Variants in ZFHX3 observed in about 807,000 individuals in gnomAD.
ZFHX3 encodes the protein zinc finger homeobox protein 3.
In ZFHX3, 42 loss-of-function variants were observed where a neutral mutation model predicts 279.1. The ratio of observed to expected loss-of-function variants is 0.15; its 90% CI spans 0.12 to 0.19. The LOEUF (loss-of-function observed/expected upper bound fraction) is 0.19, where lower values mean the gene tolerates loss of function less well. Ranked by LOEUF, ZFHX3 falls within the 10% of genes least tolerant of loss-of-function variation. The pLI, the probability that ZFHX3 is intolerant of heterozygous loss-of-function variation, is 1.00. For synonymous variants in ZFHX3, 2,293 were observed against 1,957.8 expected, an observed-to-expected ratio of 1.17 and a Z score of -4.52; for missense variants, 4,981 against 4,754.0, an observed-to-expected ratio of 1.05 and a Z score of -1.40.
chr16:72,879,549 C>T (rs893085417), intron 4 of ZFHX3, among the ~76,000 whole-genome samples: 4 of 152,158 alleles, frequency 2.6e-5, no homozygotes, highest in African/African-American at 9.7e-5. Flanking sequence ...CCTCAGCCTC[C>T]CGAGAAGCTG....
intron 1 of ZFHX3, among the ~76,000 whole-genome samples, chr16:73,684,416 G>A (rs757638739): frequency 1.3e-5 from 2 of 151,750 alleles, no homozygotes; most frequent in Non-Finnish European, 2.9e-5. Flanking sequence ...AGGAAAATTG[G>A]GATAAAAAAA....
intron 3 of ZFHX3, among the ~76,000 whole-genome samples, chr16:72,916,789 A>G (rs1407876076): frequency 4.6e-5 from 7 of 152,206 alleles, no homozygotes; most frequent in Non-Finnish European, 1.0e-4. Context: ...GATAATTGAG[A>G]AAAAAATAAA....
chr16:73,183,874 G>C (rs529496289), intron 5 of ZFHX3, among the ~76,000 whole-genome samples: 1 of 151,966 alleles, frequency 6.6e-6, no homozygotes, highest in Non-Finnish European at 1.5e-5. Flanking sequence ...TCGTTCTTAT[G>C]CTCTGCTTGC....
intron 2 of ZFHX3, among the ~76,000 whole-genome samples, chr16:73,581,951 G>C (rs2051866471): frequency 6.6e-6 from 1 of 151,688 alleles, no homozygotes; most frequent in African/African-American, 2.4e-5. Context: ...TGGGATTACA[G>C]GCATGAGCCA....
intron 2 of ZFHX3, among the ~76,000 whole-genome samples, chr16:73,553,960 C>A (rs759017706): frequency 6.6e-6 from 1 of 152,172 alleles, no homozygotes. Flanking sequence ...TGATAAATGG[C>A]GGCTGCATTT....
chr16:73,797,030 T>A (rs1026764447), intron 1 of ZFHX3, among the ~76,000 whole-genome samples: 5 of 151,332 alleles, frequency 3.3e-5, no homozygotes, highest in Admixed American at 3.3e-4. Context: ...GGCGAAACCC[T>A]GTCTCTACTA....
intron 2 of ZFHX3, among the ~76,000 whole-genome samples, chr16:73,645,197 A>T (rs12930348): frequency 0.093 from 14,174 of 152,290 alleles, 740 homozygotes; most frequent in Middle Eastern, 0.13. Flanking sequence ...TAAATTTTTT[A>T]AAATTTTTCT....
intron 4 of ZFHX3, among the ~76,000 whole-genome samples, chr16:73,262,242 G>C (rs2013847321): frequency 6.6e-6 from 1 of 152,186 alleles, no homozygotes; most frequent in South Asian, 2.1e-4. Flanking sequence ...TGAATTGCTT[G>C]AGTTTCAAGA....
chr16:73,613,733 G>A (rs139216845), intron 2 of ZFHX3, among the ~76,000 whole-genome samples: 2 of 152,240 alleles, frequency 1.3e-5, no homozygotes, highest in African/African-American at 2.4e-5. Flanking sequence ...TGTGTGCCCC[G>A]TTTCACTAGG....
In ZFHX3 at chr16:73,726,696, G is replaced by A. The variant is rs1056388065; in HGVS notation, c.-1607-46456C>T. Among the ~76,000 whole-genome samples the A allele has an allele frequency of 5.3e-5, 8 of 152,094 alleles. No individual in the cohort carries two copies. In the South Asian group the frequency reaches 6.2e-4, roughly 12 times the overall value. On this transcript the variant is annotated intron_variant, in intron 1 of 17. Coordinates refer to the ZFHX3 transcript ENST00000641206. Reference sequence around the variant, plus strand: ...GAGCTGGCCCATCACACGCAACAGCGGGAGCACGAGGGAGGAGGAGGCGCC... The same window carrying A: ...GAGCTGGCCCATCACACGCAACAGCAGGAGCACGAGGGAGGAGGAGGCGCC...
chr16:73,681,521 G>T (rs2053009699), intron 1 of ZFHX3, among the ~76,000 whole-genome samples: 1 of 152,154 alleles, frequency 6.6e-6, no homozygotes, highest in African/African-American at 2.4e-5. Flanking sequence ...AATTTCATTC[G>T]AATAGTCATG....
intron 1 of ZFHX3, among the ~76,000 whole-genome samples, chr16:73,888,311 C>CG (rs397855544): frequency 1.3e-5 from 2 of 152,058 alleles, no homozygotes; most frequent in African/African-American, 4.8e-5. Context: ...CCCTTCCCCC[C>CG]ACGGAAACAT....
intron 2 of ZFHX3, among the ~76,000 whole-genome samples, chr16:73,591,316 G>A (rs556449140): frequency 4.0e-5 from 6 of 151,824 alleles, no homozygotes; most frequent in East Asian, 1.9e-4. Context: ...TGGCAGCACC[G>A]CACTCCAGCC....
rs554542230 is a variant in ZFHX3, at chr16:73,527,972, C to G, written c.-1546-71714G>C. ...TAATAGATGCTTGTTGTTGTTTCTGCTAAATCTTGGAGTAATTTGTTATGT... is the reference window on the plus strand; with the variant it reads ...TAATAGATGCTTGTTGTTGTTTCTGGTAAATCTTGGAGTAATTTGTTATGT... On this transcript the variant is annotated intron_variant, in intron 2 of 17. Transcript: ENST00000641206. 4.6e-5 allele frequency among the ~76,000 whole-genome samples: 7 copies of G among 152,326 alleles called. No homozygotes were observed. The South Asian group carries it at 1.5e-3, about 32-fold the overall frequency.
At chr16:73,833,278 G>T (rs1348182553) in intron 1 of ZFHX3, among the ~76,000 whole-genome samples, 3 of 152,090 alleles carry the variant, frequency 2.0e-5, no homozygotes, top group Non-Finnish European at 1.5e-5. Flanking sequence ...CAAGAGGATT[G>T]CTTGAGCTCA....
At chr16:73,766,094 C>G (rs1211116815) in intron 1 of ZFHX3, among the ~76,000 whole-genome samples, 1 of 152,160 alleles carries the variant, frequency 6.6e-6, no homozygotes. Context: ...AAAGAGTTCT[C>G]CCAATCCCAC....
At chr16:73,370,080 A>C (rs8056680) in intron 3 of ZFHX3, among the ~76,000 whole-genome samples, 1 of 152,124 alleles carries the variant, frequency 6.6e-6, no homozygotes, top group African/African-American at 2.4e-5. Flanking sequence ...TCCCACCCCC[A>C]GTCTTCCGGC....
At chr16:73,885,450 C>A (rs1038580651) in intron 1 of ZFHX3, among the ~76,000 whole-genome samples, 1 of 152,074 alleles carries the variant, frequency 6.6e-6, no homozygotes, top group African/African-American at 2.4e-5. Flanking sequence ...TTATATAATT[C>A]TATTAGAAGT....
intron 3 of ZFHX3, among the ~76,000 whole-genome samples, chr16:73,324,037 C>T (rs2015631509): frequency 6.6e-6 from 1 of 152,170 alleles, no homozygotes; most frequent in Admixed American, 6.5e-5. Context: ...ATGGTAGAGG[C>T]CATGGGATTA....
Sources: allele counts gnomAD v4.1 joint callset (sites outside exome capture counted in the v4.1 genomes callset), GRCh38; gene constraint gnomAD v4.1.1; transcripts MANE v1.5; gene names NCBI Gene and HGNC (gene_info 2026-07-23, HGNC 2026-07-21).